Variants in ERI3 observed in about 807,000 individuals in gnomAD.
ERI3 encodes the protein ERI1 exoribonuclease family member 3.
ERI3 carries 18 observed loss-of-function variants against 44.4 expected under a neutral mutation model. The ratio of observed to expected loss-of-function variants is 0.41; its 90% CI spans 0.28 to 0.60. The LOEUF is 0.60. Ranked by LOEUF, ERI3 falls within the 20% of genes least tolerant of loss-of-function variation. The probability of loss-of-function intolerance (pLI) is 0.36; values close to 1 mark genes in which losing one functional copy is unlikely to be tolerated. For synonymous variants in ERI3, 183 were observed against 164.8 expected, an observed-to-expected ratio of 1.11 and a Z score of -0.84; for missense variants, 294 against 435.5, an observed-to-expected ratio of 0.68 and a Z score of 2.89.
intron 6 of ERI3, among the ~76,000 whole-genome samples, chr1:44,296,498 AAAAATTGACTATG>A (rs1274580758): frequency 6.6e-6 from 1 of 152,234 alleles, no homozygotes; most frequent in Admixed American, 6.5e-5. Flanking sequence ...TCGACTTACC[AAAAATTGACTATG>A]GCAATTGAAG....
At chr1:44,272,998 G>A (rs1645117915) in intron 7 of ERI3, among the ~76,000 whole-genome samples, 1 of 152,100 alleles carries the variant, frequency 6.6e-6, no homozygotes. Flanking sequence ...CGAAGGGAAT[G>A]TCTGTGGCGT....
chr1:44,234,540 T>A (rs1644260818), intron 8 of ERI3, among the ~76,000 whole-genome samples: 1 of 151,820 alleles, frequency 6.6e-6, no homozygotes, highest in Non-Finnish European at 1.5e-5. Context: ...GCACCTGTAA[T>A]CCCAGCTACT....
chr1:44,329,194 G>A (rs923429554), intron 3 of ERI3, among the ~76,000 whole-genome samples: 2 of 152,144 alleles, frequency 1.3e-5, no homozygotes, highest in African/African-American at 4.8e-5. Flanking sequence ...CACAAGCCAG[G>A]AGCTTATCTG....
At chr1:44,341,612 G>A (rs1260346079) in intron 2 of ERI3, among the ~76,000 whole-genome samples, 1 of 152,144 alleles carries the variant, frequency 6.6e-6, no homozygotes, top group Non-Finnish European at 1.5e-5. Context: ...TTTTGGCCAA[G>A]CACAGTGACT....
chr1:44,333,866 G>A (rs1646479485), intron 3 of ERI3, among the ~76,000 whole-genome samples: 1 of 152,120 alleles, frequency 6.6e-6, no homozygotes, highest in Admixed American at 6.5e-5. Flanking sequence ...GTCTGGAAAC[G>A]AGAAACTCCT....
At chr1:44,284,472 T>C (rs1645351567) in intron 7 of ERI3, among the ~76,000 whole-genome samples, 1 of 152,144 alleles carries the variant, frequency 6.6e-6, no homozygotes, top group African/African-American at 2.4e-5. Context: ...CAAAGGAGAA[T>C]ACTTTCCCAG....
chr1:44,352,409 G>GC, intron 2 of ERI3, among the ~76,000 whole-genome samples: 1 of 194 alleles, frequency 5.2e-3, no homozygotes, highest in Non-Finnish European at 0.024. Context: ...AGGTCTCATA[G>GC]ATAGATAGAT....
chr1:44,305,504 G>A (rs1197146490), intron 6 of ERI3, among the ~76,000 whole-genome samples: 1 of 152,118 alleles, frequency 6.6e-6, no homozygotes, highest in Non-Finnish European at 1.5e-5. Flanking sequence ...AATTGAGAGG[G>A]GAAATTAAAT....
intron 1 of ERI3, chr1:44,354,154 T>C (rs1646950202): frequency 7.1e-6 from 7 of 985,340 alleles, no homozygotes; most frequent in East Asian, 1.1e-4. Context: ...CAACCTACTA[T>C]AGTTTGAATA....
rs1359372814 is a variant in ERI3, at chr1:44,292,571, T to C, written c.759-7664A>G. Among the ~76,000 whole-genome samples the C allele has an allele frequency of 2.0e-5, 3 of 152,108 alleles. No individual in the cohort carries two copies. The East Asian group carries it at 5.8e-4, about 29-fold the overall frequency. ...ACTACTGAGAAGTGGCCATCTCACT[T>C]CTGCTGGTGGGAGGGCAATGTCAAG... On this transcript the variant is annotated intron_variant, in intron 6 of 8. Coordinates refer to ENST00000372257, the MANE Select transcript of ERI3 (RefSeq NM_024066.3).
At position 44,247,945 on chromosome 1, in the gene ERI3, C is replaced by T. The variant is rs760730067; in HGVS notation, c.925G>A (p.Gly309Ser). The T allele has an allele frequency of 3.7e-6, 6 of 1,611,880 alleles. No homozygotes were observed. The highest frequency in any genetic ancestry group is 2.5e-6 in the Non-Finnish European group (3 of 1,178,932). ...SLQHIGRPHSGIDDCKNIANI... is the reference protein window; with the variant it reads ...SLQHIGRPHSSIDDCKNIANI... ...AATATGCGAAGGGACTGACCAATGC[C>T]GCTGTGGGGCCGGCCTATGTGTTGC... The change falls in exon 8 of 9, where the codon GGC (glycine) becomes AGC (serine). Residue 309 changes from glycine to serine, a missense_variant. Around this residue, in one of 2 missense-constraint regions of ERI3, gnomAD observed 187 missense variants for 338.6 expected, o/e 0.55. Coordinates refer to ENST00000372257, the MANE Select transcript of ERI3 (RefSeq NM_024066.3).
At chr1:44,242,759 C>CG (rs1644466950) in intron 8 of ERI3, among the ~76,000 whole-genome samples, 1 of 152,122 alleles carries the variant, frequency 6.6e-6, no homozygotes, top group Non-Finnish European at 1.5e-5. Flanking sequence ...CTGGGCAAGA[C>CG]GGGGGCTGGC....
intron 5 of ERI3, among the ~76,000 whole-genome samples, chr1:44,310,241 A>G (rs1224689943): frequency 6.6e-6 from 1 of 152,182 alleles, no homozygotes; most frequent in African/African-American, 2.4e-5. Context: ...GAGTCAGAAA[A>G]GGCTTCACAA....
intron 2 of ERI3, among the ~76,000 whole-genome samples, chr1:44,344,173 G>A (rs962200431): frequency 6.6e-6 from 1 of 151,746 alleles, no homozygotes; most frequent in Non-Finnish European, 1.5e-5. Flanking sequence ...AGGAGGCAGG[G>A]TTTGCAGTGA....
intron 2 of ERI3, among the ~76,000 whole-genome samples, chr1:44,352,280 T>C (rs1473747956): frequency 6.6e-6 from 1 of 152,130 alleles, no homozygotes; most frequent in Non-Finnish European, 1.5e-5. Flanking sequence ...CTTGGTCAAA[T>C]ACATTAGCAA....
intron 5 of ERI3, among the ~76,000 whole-genome samples, chr1:44,310,071 A>G (rs1437573583): frequency 1.3e-5 from 2 of 152,170 alleles, no homozygotes; most frequent in Admixed American, 1.3e-4. Flanking sequence ...TGAGAATTAA[A>G]TGTGATAATG....
intron 5 of ERI3, among the ~76,000 whole-genome samples, chr1:44,310,233 G>A (rs1452016002): frequency 6.6e-6 from 1 of 152,176 alleles, no homozygotes; most frequent in South Asian, 2.1e-4. Context: ...AGGGAAAGGA[G>A]TCAGAAAAGG....
rs370234565 is a variant in ERI3, at chr1:44,249,338, C to G, written c.832-1300G>C. Among the ~76,000 whole-genome samples the G allele has an allele frequency of 1.3e-4, 20 of 152,200 alleles. 1 individual carries two copies. The East Asian group carries it at 1.9e-3, about 15-fold the overall frequency. ...TAGATGAGCACCGCAGTGGTCCAGCCCTTTGCTAGTCCCAGGAGGTCTCCA... is the reference window on the plus strand; with the variant it reads ...TAGATGAGCACCGCAGTGGTCCAGCGCTTTGCTAGTCCCAGGAGGTCTCCA... On this transcript the variant is annotated intron_variant, in intron 7 of 8. Transcript: ENST00000372257.
chr1:44,308,505 A>G (rs1645888139), intron 5 of ERI3, 104 bp from the exon 6 acceptor site: 1 of 906,000 alleles, frequency 1.1e-6, no homozygotes, highest in Non-Finnish European at 1.8e-6. Flanking sequence ...TCAGAACAGG[A>G]GAAAATTGTA....
Sources: gnomAD v4.1 joint callset for allele counts (sites outside exome capture counted in the v4.1 genomes callset) on GRCh38, gnomAD v4.1.1 for gene constraint, gnomAD v4.1.1 regional missense constraint, MANE v1.5 for transcripts, NCBI Gene and HGNC (gene_info 2026-07-23, HGNC 2026-07-21) for gene names.